The following ASIC4 variants were observed in gnomAD, a reference collection of about 807,000 sequenced individuals.
ASIC4 encodes acid sensing ion channel subunit family member 4.
A neutral mutation model predicts 53.4 loss-of-function variants in ASIC4; 28 were observed. That is an observed-to-expected ratio of 0.52 (90% CI 0.39 to 0.72). The LOEUF (loss-of-function observed/expected upper bound fraction) is 0.72, where lower values mean the gene tolerates loss of function less well. ASIC4 is among the 30% of genes least tolerant of loss of function. The pLI, the probability that ASIC4 is intolerant of heterozygous loss-of-function variation, is 0.00. For missense variants in ASIC4, 649 were observed against 729.7 expected, an observed-to-expected ratio of 0.89 and a Z score of 1.27; for synonymous variants, 289 against 301.4, an observed-to-expected ratio of 0.96 and a Z score of 0.43.
upstream of ASIC4, chr2:219,514,248 G>T (rs771975031): frequency 1.4e-6 from 2 of 1,386,568 alleles, no homozygotes; most frequent in Non-Finnish European, 1.9e-6. Flanking sequence ...GCTGGGGACT[G>T]CCCCCTCCCC....
the ASIC4 span, among the ~76,000 whole-genome samples, chr2:219,508,417 A>C: frequency 6.6e-6 from 1 of 152,024 alleles, no homozygotes; most frequent in Non-Finnish European, 1.5e-5. Flanking sequence ...GGGTGGGGAC[A>C]TGGTGGGGAG....
upstream of ASIC4, among the ~76,000 whole-genome samples, chr2:219,512,903 C>T (rs1411300315): frequency 6.6e-6 from 1 of 152,224 alleles, no homozygotes; most frequent in Non-Finnish European, 1.5e-5. Context: ...TGGGCAGGCT[C>T]CATGCTGGGG....
At chr2:219,508,379 C>G in the ASIC4 span, among the ~76,000 whole-genome samples, 1 of 152,328 alleles carries the variant, frequency 6.6e-6, no homozygotes, top group East Asian at 1.9e-4. Flanking sequence ...GGCCCTGGCC[C>G]CCGGGATCCC....
intron 1 of ASIC4, among the ~76,000 whole-genome samples, chr2:219,531,496 G>C (rs769765833): frequency 9.9e-5 from 15 of 152,242 alleles, no homozygotes; most frequent in Non-Finnish European, 2.2e-4. Flanking sequence ...TTACTAGGGT[G>C]GAGGAAAACG....
chr2:219,533,229 T>G, intron 5 of ASIC4: 2 of 524,172 alleles, frequency 3.8e-6, no homozygotes, highest in Non-Finnish European at 6.9e-6. Flanking sequence ...TCACCCACTT[T>G]GAGAAAGTGA....
intron 6 of ASIC4, among the ~76,000 whole-genome samples, 193 bp downstream of exon 6, chr2:219,535,517 G>A (rs553265071): frequency 6.7e-6 from 1 of 149,740 alleles, no homozygotes; most frequent in Non-Finnish European, 1.5e-5. Context: ...TGTCTGTGTG[G>A]GGGGCATGTA....
upstream of ASIC4, among the ~76,000 whole-genome samples, chr2:219,511,733 G>A (rs1455222493): frequency 6.6e-6 from 1 of 152,056 alleles, no homozygotes; most frequent in Non-Finnish European, 1.5e-5. This position sits in a 1 kb window ranked among gnomAD's most constrained non-coding sequence, Gnocchi z 5.3. Context: ...AAGCAGGGAG[G>A]GGTGGGGGAG....
Position 219,537,901 on chromosome 2 carries a change from C to A in ASIC4, c.1507-32C>A. The A allele has an allele frequency of 6.4e-7, 1 of 1,555,344 alleles. No homozygotes were observed. Among genetic ancestry groups the A allele is most frequent in the Non-Finnish European group, 8.8e-7 (1 of 1,141,820 alleles). On this transcript the variant is annotated intron_variant, in intron 9 of 9. Coordinates refer to ENST00000358078, the MANE Select transcript of ASIC4 (RefSeq NM_018674.6). The surrounding 1 kb of genome is among the most constrained non-coding windows in gnomAD (Gnocchi z 4.9). ...CCTGGGGGCACCACTTGAGCTCTCCCGGTCCCACTCTCTCTTTTCTTTCTC... is the reference window on the plus strand; with the variant it reads ...CCTGGGGGCACCACTTGAGCTCTCCAGGTCCCACTCTCTCTTTTCTTTCTC...
intron 2 of ASIC4, 22 bp from the exon 3 acceptor site, chr2:219,531,979 G>C (rs761632057): frequency 6.2e-7 from 1 of 1,613,838 alleles, no homozygotes. Flanking sequence ...GGTTTCCAAA[G>C]GTCCCCATCT....
intron 1 of ASIC4, among the ~76,000 whole-genome samples, chr2:219,524,604 G>A (rs1019552091): frequency 1.3e-5 from 2 of 152,232 alleles, no homozygotes; most frequent in Admixed American, 1.3e-4. Context: ...TAACACCTTT[G>A]AAGGGCGCCT....
At position 219,537,274 on chromosome 2, in the gene ASIC4, G is replaced by A; in HGVS notation, c.1354G>A (p.Gly452Arg). 3 of 1,613,816 alleles carry A rather than the reference G, an allele frequency of 1.9e-6. No homozygotes were observed. Among genetic ancestry groups the A allele is most frequent in the Non-Finnish European group, 2.5e-6 (3 of 1,179,918 alleles). The stretch of plus-strand genomic sequence containing the variant: ...CGGGGGACAGATGGGCCTGTTCATT[G>A]GGGCCAGCATCCTCACGTTGCTGGA... ...DLGGQMGLFI[G>R]ASILTLLEIL... is the part of the protein sequence containing the mutation. Residue 452 changes from glycine to arginine, a missense_variant, in exon 8 of 10, where the codon GGG becomes AGG. Transcript: ENST00000358078. This position sits in a 1 kb window ranked among gnomAD's most constrained non-coding sequence, Gnocchi z 4.9.
chr2:219,520,870 C>T (rs1365558502), intron 1 of ASIC4, among the ~76,000 whole-genome samples: 1 of 152,264 alleles, frequency 6.6e-6, no homozygotes, highest in Non-Finnish European at 1.5e-5. Context: ...TTGAAGGACG[C>T]AGCTGCTTCT....
chr2:219,538,276 A>G lies in ASIC4; in HGVS notation c.*230A>G, dbSNP rs997732848. ...CCCCGGGAGGGCTGGAGACCAGGCC[A>G]TGGGCCCTCACGGAGAGGAAGGGAA... On this transcript the variant is annotated 3_prime_UTR_variant, in exon 10 of 10. Transcript: ENST00000358078. 2 of 502,712 alleles carry G rather than the reference A, an allele frequency of 4.0e-6. No individual in the cohort carries two copies. Among genetic ancestry groups the G allele is most frequent in the East Asian group, 3.8e-5 (1 of 26,296 alleles). 31.1% of individuals were successfully genotyped at this position (502,712 alleles called of 1,614,324 possible).
chr2:219,534,044 A>G (rs1450894192), intron 5 of ASIC4: 2 of 150,674 alleles, frequency 1.3e-5, no homozygotes, highest in Non-Finnish European at 3.0e-5. Flanking sequence ...AAAAAAAAAA[A>G]AAAAAAAAAA....
intron 1 of ASIC4, among the ~76,000 whole-genome samples, chr2:219,528,083 G>T (rs943215199): frequency 3.9e-5 from 6 of 152,236 alleles, no homozygotes; most frequent in Non-Finnish European, 2.9e-5. Flanking sequence ...GAGCATATAC[G>T]CAAAACTGGC....
chr2:219,514,366 C>A, upstream of ASIC4: 1 of 1,546,216 alleles, frequency 6.5e-7, no homozygotes. Context: ...GCGGCTGGGG[C>A]TGCGCGGCGT....
upstream of ASIC4, chr2:219,514,154 G>A (rs1388537639): frequency 1.5e-6 from 1 of 677,728 alleles, no homozygotes; most frequent in Non-Finnish European, 2.4e-6. Flanking sequence ...TGGCCAGGAA[G>A]TGGGGAGATC....
chr2:219,509,610 G>C (rs1235811783), upstream of ASIC4, among the ~76,000 whole-genome samples: 1 of 152,098 alleles, frequency 6.6e-6, no homozygotes. The surrounding 1 kb of genome is among the most constrained non-coding windows in gnomAD (Gnocchi z 5.2). Context: ...GGTGTGGAGG[G>C]AGTGGGGGAC....
chr2:219,537,686 A>C lies in ASIC4; in HGVS notation c.1456A>C (p.Thr486Pro). The C allele has an allele frequency of 6.2e-7, 1 of 1,613,988 alleles. No homozygotes were observed. Among genetic ancestry groups the C allele is most frequent in the Non-Finnish European group, 8.5e-7 (1 of 1,179,956 alleles). ...GAGGCGTCCCAAGACCCCCCTGCGG[A>C]CCTCCACTGGGGGCATCTCCACTTT... ...VWRRPKTPLR[T>P]STGGISTLGL... is the part of the protein sequence containing the mutation. The change falls in exon 9 of 10, where the codon ACC (threonine) becomes CCC (proline). Residue 486 changes from threonine to proline, a missense_variant. By Grantham distance (38) the Thr-to-Pro change is conservative. Coordinates refer to ENST00000358078, the MANE Select transcript of ASIC4 (RefSeq NM_018674.6). This position sits in a 1 kb window ranked among gnomAD's most constrained non-coding sequence, Gnocchi z 4.9.
Sources: gnomAD v4.1 joint callset for allele counts (sites outside exome capture counted in the v4.1 genomes callset) on GRCh38, gnomAD v4.1.1 for gene constraint, Gnocchi (gnomAD v3.1) non-coding constraint, MANE v1.5 for transcripts, NCBI Gene and HGNC (gene_info 2026-07-23, HGNC 2026-07-21) for gene names.